WDFY4: variants seen among roughly 807,000 people sequenced by gnomAD.
WDFY4 encodes the protein WD repeat- and FYVE domain-containing protein 4.
Under a neutral mutation model 351.9 loss-of-function variants are expected in WDFY4, and 169 were observed. The observed-to-expected ratio is 0.48, with a 90% CI of 0.42 to 0.55. WDFY4 has a LOEUF of 0.55. Ranked by LOEUF, WDFY4 falls within the 20% of genes least tolerant of loss-of-function variation. WDFY4 has a pLI of 0.00. For missense variants in WDFY4, 3,803 were observed against 3,935.6 expected (o/e 0.97, Z 0.90); for synonymous variants, 1,622 against 1,574.6 (o/e 1.03, Z -0.71).
At position 48,729,532 on chromosome 10, in the gene WDFY4, T is replaced by A; in HGVS notation, c.1072T>A (p.Phe358Ile). Reference protein sequence around the residue: ...TTCGRSELKVFDSITYPQLEG... With the variant: ...TTCGRSELKVIDSITYPQLEG... ...CTGTGGGAGGTCAGAGCTGAAGGTG[T>A]TTGACAGCATCACTTACCCTCAGCT... The change falls in exon 8 of 62, where the codon TTT (phenylalanine) becomes ATT (isoleucine). Residue 358 changes from phenylalanine (F) to isoleucine (I), a missense_variant. By Grantham distance (21) the Phe-to-Ile change is conservative. Around this residue, in one of 3 missense-constraint regions of WDFY4, gnomAD observed 488 missense variants for 456.8 expected, o/e 1.07. Transcript: ENST00000325239. The A allele has an allele frequency of 6.4e-7, 1 of 1,551,708 alleles. No homozygotes were observed. Among genetic ancestry groups the A allele is most frequent in the South Asian group, 1.2e-5 (1 of 84,056 alleles).
At chr10:48,766,800 A>G (rs1446890675) in intron 13 of WDFY4, among the ~76,000 whole-genome samples, 1 of 152,118 alleles carries the variant, frequency 6.6e-6, no homozygotes. Context: ...CTGTATCTCA[A>G]TTTCAACTAC....
chr10:48,778,331 G>A (rs1478899168), intron 17 of WDFY4, among the ~76,000 whole-genome samples: 2 of 152,240 alleles, frequency 1.3e-5, no homozygotes, highest in Non-Finnish European at 2.9e-5. Context: ...CCTATCCAAG[G>A]TTCAGCTGAG....
intron 2 of WDFY4, among the ~76,000 whole-genome samples, chr10:48,714,180 C>A (rs1210184836): frequency 1.3e-5 from 2 of 152,196 alleles, no homozygotes; most frequent in East Asian, 3.8e-4. Context: ...GTCACCAGGG[C>A]AGTCTGCTGT....
At chr10:48,940,346 C>T (rs1840688209) in intron 47 of WDFY4, among the ~76,000 whole-genome samples, 1 of 152,232 alleles carries the variant, frequency 6.6e-6, no homozygotes, top group African/African-American at 2.4e-5. Context: ...AAATAGATGA[C>T]TTCTCTATTA....
chr10:48,737,502 C>T (rs930574304), intron 11 of WDFY4, among the ~76,000 whole-genome samples: 1 of 152,172 alleles, frequency 6.6e-6, no homozygotes, highest in Non-Finnish European at 1.5e-5. Flanking sequence ...TCTGCACATT[C>T]GATGTCAGAC....
intron 1 of WDFY4, among the ~76,000 whole-genome samples, chr10:48,698,938 G>A (rs917919512): frequency 1.3e-5 from 2 of 152,214 alleles, no homozygotes; most frequent in Admixed American, 6.5e-5. Flanking sequence ...AAGGGTTGCC[G>A]TGAGTCCGAA....
At chr10:48,963,087 T>C (rs372412643) in intron 53 of WDFY4, among the ~76,000 whole-genome samples, 1 of 152,274 alleles carries the variant, frequency 6.6e-6, no homozygotes, top group South Asian at 2.1e-4. Flanking sequence ...TTCTGAGGAA[T>C]GAAAACTGGG....
chr10:48,757,311 T>C (rs1487386893), intron 12 of WDFY4, among the ~76,000 whole-genome samples: 1 of 152,122 alleles, frequency 6.6e-6, no homozygotes, highest in African/African-American at 2.4e-5. Context: ...TGATGCTCTG[T>C]TGTAAAGTGC....
Position 48,890,610 on chromosome 10 carries a change from A to G in WDFY4, c.7199A>G (p.Gln2400Arg). ...CAGAAGTTCTCCCTGGTGATTGTGC[A>G]GGGCCACCTGGTGTCAGAAGGGGTC... ...VTQKFSLVIVQGHLVSEGVLL... is the reference protein window; with the variant it reads ...VTQKFSLVIVRGHLVSEGVLL... Residue 2400 changes from glutamine to arginine, a missense_variant, in exon 44 of 62, where the codon CAG becomes CGG. Around this residue, in one of 3 missense-constraint regions of WDFY4, gnomAD observed 3,054 missense variants for 3,148.6 expected, o/e 0.97. Coordinates refer to ENST00000325239, the MANE Select transcript of WDFY4 (RefSeq NM_001394531.1). The G allele has an allele frequency of 6.4e-7, 1 of 1,551,744 alleles. No homozygotes were observed. The highest frequency in any genetic ancestry group is 8.7e-7 in the Non-Finnish European group (1 of 1,147,002).
In WDFY4 at chr10:48,718,573, G is replaced by A. The variant is rs117178791; in HGVS notation, c.235-1438G>A. 4.9e-4 allele frequency among the ~76,000 whole-genome samples: 75 copies of A among 152,336 alleles called. 1 individual carries two copies. The Middle Eastern group carries it at 0.014, about 28-fold the overall frequency. ...CAAAACTGCCTTCCGTGGAGGCCAC[G>A]GATGCCCGGAATGTGCACAGCAGCT... On this transcript the variant is annotated intron_variant, in intron 2 of 61. Coordinates refer to ENST00000325239, the MANE Select transcript of WDFY4 (RefSeq NM_001394531.1).
chr10:48,752,701 T>C (rs1210553529), intron 12 of WDFY4, among the ~76,000 whole-genome samples: 1 of 152,260 alleles, frequency 6.6e-6, no homozygotes, highest in East Asian at 1.9e-4. Context: ...TTGTAACGTA[T>C]ATCAGTACTT....
At position 48,747,375 on chromosome 10, in the gene WDFY4, T is replaced by A. The variant is rs112824926; in HGVS notation, c.2459+3827T>A. Among the ~76,000 whole-genome samples the A allele has an allele frequency of 9.2e-4, 140 of 152,328 alleles. 1 individual carries two copies. Among genetic ancestry groups the A allele is most frequent in the African/African-American group, 3.2e-3 (133 of 41,592 alleles). ...TTATTTTGCTTCATATTCATTGGGA[T>A]TCCTGAATCCCAACTGATGTCTTTT... On this transcript the variant is annotated intron_variant, in intron 12 of 61. Coordinates refer to ENST00000325239, the MANE Select transcript of WDFY4 (RefSeq NM_001394531.1).
intron 2 of WDFY4, among the ~76,000 whole-genome samples, chr10:48,717,239 T>C (rs1168385579): frequency 1.3e-5 from 2 of 152,234 alleles, no homozygotes; most frequent in Non-Finnish European, 2.9e-5. Context: ...GTGGGTTTCA[T>C]ATTCGTTTCA....
rs763462984 is a variant in WDFY4, at chr10:48,778,811, GAGA to G, written c.3379_3381del (p.Lys1127del). The G allele has an allele frequency of 6.4e-7, 1 of 1,551,120 alleles. No individual in the cohort carries two copies. The highest frequency in any genetic ancestry group is 2.0e-5 in the Admixed American group (1 of 51,004). ...CCTCTCCTTGGTTGTTTCTACAGAAGAGAAGGAGTTTCAGCCTCTGGGTAAGGT... is the reference window on the plus strand; with the variant it reads ...CCTCTCCTTGGTTGTTTCTACAGAAGAGGAGTTTCAGCCTCTGGGTAAGGT... On this transcript the variant is annotated inframe_deletion, in exon 18 of 62. Transcript: ENST00000325239.
At chr10:48,842,098 A>G (rs974862538) in intron 39 of WDFY4, among the ~76,000 whole-genome samples, 5 of 151,982 alleles carry the variant, frequency 3.3e-5, no homozygotes, top group Non-Finnish European at 7.4e-5. Context: ...TTTTCCAGGA[A>G]TAATTGGTAC....
intron 15 of WDFY4, among the ~76,000 whole-genome samples, chr10:48,776,178 C>G (rs1272384822): frequency 1.3e-5 from 2 of 152,194 alleles, no homozygotes; most frequent in African/African-American, 2.4e-5. Flanking sequence ...CTTGGAGGCC[C>G]AAGATGCAGG....
intron 47 of WDFY4, among the ~76,000 whole-genome samples, chr10:48,932,128 G>C (rs777558266): frequency 1.7e-4 from 26 of 152,218 alleles, no homozygotes; most frequent in Non-Finnish European, 3.2e-4. Context: ...GTCAATTGCT[G>C]GTTGTTTGAA....
chr10:48,898,362 C>T (rs1322958670), intron 45 of WDFY4, among the ~76,000 whole-genome samples: 1 of 152,150 alleles, frequency 6.6e-6, no homozygotes, highest in African/African-American at 2.4e-5. Context: ...ATCCCCAGTC[C>T]CTGGGCCTCC....
intron 2 of WDFY4, among the ~76,000 whole-genome samples, chr10:48,710,178 G>T (rs1362923259): frequency 6.6e-6 from 1 of 152,190 alleles, no homozygotes; most frequent in Non-Finnish European, 1.5e-5. Flanking sequence ...TCATAGTTTG[G>T]AGCCTGGGAA....
Sources: gnomAD v4.1 joint callset for allele counts (sites outside exome capture counted in the v4.1 genomes callset) on GRCh38, gnomAD v4.1.1 for gene constraint, gnomAD v4.1.1 regional missense constraint, MANE v1.5 for transcripts, NCBI Gene and HGNC (gene_info 2026-07-23, HGNC 2026-07-21) for gene names.